The following CTNND1 variants were observed in gnomAD, a reference collection of about 807,000 sequenced individuals.
CTNND1 encodes the protein catenin delta-1.
A neutral mutation model predicts 112.1 loss-of-function variants in CTNND1; 16 were observed. The observed-to-expected ratio is 0.14, with a 90% CI of 0.10 to 0.22. The LOEUF is 0.22. CTNND1 is among the 10% of genes least tolerant of loss of function. The probability of loss-of-function intolerance (pLI) is 1.00; values close to 1 mark genes in which losing one functional copy is unlikely to be tolerated. For synonymous variants in CTNND1, 420 were observed against 446.5 expected (o/e 0.94, Z 0.75); for missense variants, 1,008 against 1,257.0 (o/e 0.80, Z 3.00).
rs1290252635 is a variant in CTNND1, at chr11:57,815,489, A to G, written c.2797A>G (p.Thr933Ala). The G allele has an allele frequency of 6.2e-7, 1 of 1,610,160 alleles. No homozygotes were observed. Among genetic ancestry groups the G allele is most frequent in the East Asian group, 2.2e-5 (1 of 44,842 alleles). Residue 933 changes from threonine to alanine, a missense_variant, in exon 19 of 21, where the codon ACA (threonine) becomes GCA (alanine). Thr to Ala is a moderately conservative substitution (Grantham distance 58). This residue lies in a region of CTNND1 where 106 missense variants were observed against 116.2 expected (regional missense o/e 0.91). Coordinates refer to ENST00000399050, the MANE Select transcript of CTNND1 (RefSeq NM_001085458.2). ...CGACATGGAGCCATTGAAGGGAACA[A>G]CACCCTTGATGGTAAATTCTCTTTA... The part of the protein sequence containing the change: ...LGDMEPLKGT[T>A]PLMQDEGQES...
chr11:57,786,017 A>G (rs1018923230), intron 1 of CTNND1, among the ~76,000 whole-genome samples: 1 of 152,048 alleles, frequency 6.6e-6, no homozygotes, highest in African/African-American at 2.4e-5. Flanking sequence ...ACTATGGACT[A>G]TGGACTCTGG....
intron 9 of CTNND1, among the ~76,000 whole-genome samples, chr11:57,805,225 T>G (rs1352149182): frequency 6.6e-6 from 1 of 151,494 alleles, no homozygotes. Context: ...AAGTGGGTAT[T>G]CAACTTAAAA....
Position 57,815,911 on chromosome 11 carries a change from A to G in CTNND1, c.2809-4A>G. The G allele has an allele frequency of 6.2e-7, 1 of 1,607,264 alleles. No homozygotes were observed. Among genetic ancestry groups the G allele is most frequent in the Non-Finnish European group, 8.5e-7 (1 of 1,178,002 alleles). On this transcript the variant is annotated splice_region_variant and splice_polypyrimidine_tract_variant and intron_variant, in intron 19 of 20. Transcript: ENST00000399050. ...TCATACTAACAAATTGCATGTGTTC[A>G]CAGCAGGACGAGGGGCAGGAATCTC...
intron 3 of CTNND1, among the ~76,000 whole-genome samples, chr11:57,792,018 A>T (rs1388221453): frequency 6.6e-6 from 1 of 152,148 alleles, no homozygotes; most frequent in Non-Finnish European, 1.5e-5. Flanking sequence ...GTATCAAAAA[A>T]TCAGGAAAGT....
intron 16 of CTNND1, among the ~76,000 whole-genome samples, chr11:57,810,870 T>C (rs1453385118): frequency 1.3e-5 from 2 of 151,886 alleles, no homozygotes; most frequent in African/African-American, 4.8e-5. Context: ...GGTGGGAGGA[T>C]TGCTTGAGCC....
chr11:57,813,041 CTT>C (rs2063554732), intron 17 of CTNND1, among the ~76,000 whole-genome samples: 2 of 152,144 alleles, frequency 1.3e-5, no homozygotes, highest in Admixed American at 1.3e-4. Context: ...ACTGAAAAGA[CTT>C]TTCTAGGCTG....
intron 12 of CTNND1, 27 bp from the exon 13 acceptor site, chr11:57,808,138 C>T (rs1402558239): frequency 6.3e-7 from 1 of 1,599,712 alleles, no homozygotes; most frequent in Admixed American, 1.7e-5. Context: ...GATTAGCACC[C>T]TCTGCTTCTA....
intron 1 of CTNND1, among the ~76,000 whole-genome samples, chr11:57,766,604 T>C (rs1211524742): frequency 6.6e-6 from 1 of 152,226 alleles, no homozygotes; most frequent in Non-Finnish European, 1.5e-5. Flanking sequence ...GCCTAAATTA[T>C]GCAGCTGCCT....
At chr11:57,807,363 T>C (rs1279509306) in intron 12 of CTNND1, among the ~76,000 whole-genome samples, 1 of 152,152 alleles carries the variant, frequency 6.6e-6, no homozygotes, top group Non-Finnish European at 1.5e-5. Context: ...CCCAGCACTT[T>C]GGGAGGCCGA....
intron 4 of CTNND1, among the ~76,000 whole-genome samples, chr11:57,794,382 A>T (rs375122285): frequency 1.7e-4 from 26 of 152,176 alleles, no homozygotes; most frequent in African/African-American, 6.3e-4. Flanking sequence ...GCAGCAAAAA[A>T]CCCTACCTAA....
chr11:57,796,432 T>C, intron 5 of CTNND1, 25 bp from the exon 6 acceptor site: 1 of 1,550,454 alleles, frequency 6.4e-7, no homozygotes, highest in Non-Finnish European at 8.7e-7. Context: ...AATTAGTTTT[T>C]CTTTTTCTTG....
intron 1 of CTNND1, among the ~76,000 whole-genome samples, chr11:57,772,467 G>T (rs1276188955): frequency 2.0e-5 from 3 of 152,116 alleles, no homozygotes; most frequent in Non-Finnish European, 4.4e-5. Flanking sequence ...TGATTGTTGA[G>T]AATTCATGGC....
rs937363716 is a variant in CTNND1, at chr11:57,818,117, A to G, written c.*1809A>G. The G allele has an allele frequency of 6.6e-6, 1 of 151,442 alleles. No individual in the cohort carries two copies. Among genetic ancestry groups the G allele is most frequent in the African/African-American group, 2.4e-5 (1 of 41,040 alleles). The allele number at this position is 151,442 out of a possible 1,614,324, so 9.4% of individuals were successfully genotyped here. A position where few individuals can be genotyped will look rare whatever the true frequency, so the allele number is the denominator to read the frequency against. ...TTGCTCTCTGTGACCCTAAGAGCAC[A>G]CTGCACAGGGAAAATTGCCCCATCC... On this transcript the variant is annotated 3_prime_UTR_variant, in exon 21 of 21. Transcript: ENST00000399050.
At chr11:57,792,446 C>T (rs1235271134) in intron 3 of CTNND1, among the ~76,000 whole-genome samples, 1 of 152,110 alleles carries the variant, frequency 6.6e-6, no homozygotes, top group Non-Finnish European at 1.5e-5. Flanking sequence ...CGCGCGCACT[C>T]GCGCATGTGT....
chr11:57,784,769 G>A (rs566922148), intron 1 of CTNND1, among the ~76,000 whole-genome samples: 66 of 152,266 alleles, frequency 4.3e-4, no homozygotes, highest in African/African-American at 1.4e-3. Flanking sequence ...GCCTCCTAAA[G>A]TGCTGTGATT....
chr11:57,788,587 A>G lies in CTNND1; in HGVS notation c.-213-450A>G, dbSNP rs1005934614. On this transcript the variant is annotated intron_variant, in intron 1 of 20. Coordinates refer to ENST00000399050, the MANE Select transcript of CTNND1 (RefSeq NM_001085458.2). The surrounding 1 kb of genome is among the most constrained non-coding windows in gnomAD (Gnocchi z 4.1). Reference sequence around the variant, plus strand: ...AGGCTCAGCCTAGGCTAGTCCCCACATGTCTTCCCCACACAACTTTTGCAT... The same window carrying G: ...AGGCTCAGCCTAGGCTAGTCCCCACGTGTCTTCCCCACACAACTTTTGCAT... 1.3e-5 allele frequency among the ~76,000 whole-genome samples: 2 copies of G among 149,638 alleles called. No homozygotes were observed. The highest frequency in any genetic ancestry group is 2.4e-5 in the African/African-American group (1 of 40,974).
In CTNND1 at chr11:57,817,755, C is replaced by T. The variant is rs1219921247; in HGVS notation, c.*1447C>T. The T allele has an allele frequency of 6.6e-6, 1 of 152,606 alleles. No individual in the cohort carries two copies. 9.5% of individuals were successfully genotyped at this position (152,606 alleles called of 1,614,324 possible). On this transcript the variant is annotated 3_prime_UTR_variant, in exon 21 of 21. Coordinates refer to ENST00000399050, the MANE Select transcript of CTNND1 (RefSeq NM_001085458.2). Reference sequence around the variant, plus strand: ...GGGAAGTGGTCTCCCCAATTCTCCCCTCCCTCCAGTATTGCCCCCTCTCAC... The same window carrying T: ...GGGAAGTGGTCTCCCCAATTCTCCCTTCCCTCCAGTATTGCCCCCTCTCAC...
At chr11:57,789,644 C>T (rs1209746359) in intron 2 of CTNND1, among the ~76,000 whole-genome samples, 3 of 152,110 alleles carry the variant, frequency 2.0e-5, no homozygotes, top group South Asian at 2.1e-4. Flanking sequence ...ACATAATGTA[C>T]GCTAAGGATA....
rs1949947024 is a variant in CTNND1, at chr11:57,761,893, A to T, written c.-440A>T. 1.0e-6 allele frequency: 1 copy of T among 985,232 alleles called. No individual in the cohort carries two copies. Among genetic ancestry groups the T allele is most frequent in the Non-Finnish European group, 1.2e-6 (1 of 829,952 alleles). 61.0% of individuals were successfully genotyped at this position (985,232 alleles called of 1,614,324 possible). A position where few individuals can be genotyped will look rare whatever the true frequency, so the allele number is the denominator to read the frequency against. ...GATCTGAGGGGGAAAAAAAAGAGAGAGGGAGAGAGAGAGAAAGAAGAGCAG... is the reference window on the plus strand; with the variant it reads ...GATCTGAGGGGGAAAAAAAAGAGAGTGGGAGAGAGAGAGAAAGAAGAGCAG... On this transcript the variant is annotated 5_prime_UTR_variant, in exon 1 of 21. Transcript: ENST00000399050.
Sources: allele counts gnomAD v4.1 joint callset (sites outside exome capture counted in the v4.1 genomes callset), GRCh38; gene constraint gnomAD v4.1.1; regional missense constraint gnomAD v4.1.1; non-coding constraint Gnocchi (gnomAD v3.1); transcripts MANE v1.5; gene names NCBI Gene and HGNC (gene_info 2026-07-23, HGNC 2026-07-21).